SAMD12: variants seen among roughly 807,000 people sequenced by gnomAD.
SAMD12 encodes sterile alpha motif domain containing 12, also known as sterile alpha motif domain-containing protein 12.
SAMD12 carries 9 observed loss-of-function variants against 15.0 expected under a neutral mutation model. That is an observed-to-expected ratio of 0.60 (90% CI 0.36 to 1.05). The LOEUF is 1.05. SAMD12 is among the 50% of genes least tolerant of loss of function. SAMD12 has a pLI of 0.01. For missense variants in SAMD12, 230 were observed against 234.2 expected (o/e 0.98, Z 0.12); for synonymous variants, 86 against 90.1 (o/e 0.96, Z 0.25).
the SAMD12 span, among the ~76,000 whole-genome samples, chr8:118,164,717 C>A: frequency 2.0e-5 from 3 of 151,170 alleles, no homozygotes; most frequent in African/African-American, 7.3e-5. Context: ...CTTCATCAAG[C>A]CTGATTTTAG....
intron 3 of SAMD12, among the ~76,000 whole-genome samples, chr8:118,408,127 T>C (rs1296322478): frequency 6.6e-6 from 1 of 152,146 alleles, no homozygotes; most frequent in African/African-American, 2.4e-5. Flanking sequence ...GAGTTCACTT[T>C]TTCACTCCAG....
chr8:118,335,790 A>G (rs897540447), intron 4 of SAMD12, among the ~76,000 whole-genome samples: 1 of 152,146 alleles, frequency 6.6e-6, no homozygotes, highest in African/African-American at 2.4e-5. Context: ...CACCCAGGCT[A>G]GAGTGCAGTG....
At chr8:118,540,700 T>TAAAA (rs61083709) in intron 2 of SAMD12, among the ~76,000 whole-genome samples, 3 of 150,314 alleles carry the variant, frequency 2.0e-5, no homozygotes, top group Non-Finnish European at 4.4e-5. Flanking sequence ...CAACTGGCCA[T>TAAAA]AAAAAAAAAA....
At chr8:118,597,089 G>C (rs910259559) in intron 1 of SAMD12, among the ~76,000 whole-genome samples, 74 of 152,198 alleles carry the variant, frequency 4.9e-4, no homozygotes, top group African/African-American at 1.7e-3. Context: ...ATGGGGCACA[G>C]AGGGTGTGGG....
chr8:118,361,694 C>T (rs966443304), intron 4 of SAMD12, among the ~76,000 whole-genome samples: 4 of 152,164 alleles, frequency 2.6e-5, no homozygotes, highest in African/African-American at 9.7e-5. Flanking sequence ...TGTGCAACAA[C>T]ATAACCAAAT....
chr8:118,613,292 G>A (rs528125776), intron 1 of SAMD12, among the ~76,000 whole-genome samples: 11 of 152,076 alleles, frequency 7.2e-5, no homozygotes, highest in African/African-American at 2.7e-4. Flanking sequence ...TTGAAATGGG[G>A]GCTAGAGTTT....
intron 3 of SAMD12, among the ~76,000 whole-genome samples, chr8:118,409,468 T>C (rs907193657): frequency 2.3e-5 from 3 of 128,084 alleles, no homozygotes; most frequent in Non-Finnish European, 4.7e-5. Context: ...ATGGTGTATA[T>C]TTGTACCCTG....
the SAMD12 span, among the ~76,000 whole-genome samples, chr8:118,158,928 A>G: frequency 6.6e-6 from 1 of 152,116 alleles, no homozygotes; most frequent in African/African-American, 2.4e-5. Flanking sequence ...CTACAGCTCA[A>G]TAAAGCACCT....
chr8:118,194,320 T>G (rs1586329573), exon 5 of SAMD12: 1 of 152,066 alleles, frequency 6.6e-6, no homozygotes, highest in Non-Finnish European at 1.5e-5. Flanking sequence ...AATCTGCGGG[T>G]GCACACCTCA....
At chr8:118,163,797 C>T in the SAMD12 span, among the ~76,000 whole-genome samples, 3 of 147,870 alleles carry the variant, frequency 2.0e-5, no homozygotes, top group East Asian at 5.8e-4. Context: ...ATGGAGTGAA[C>T]CCTGGAGGCA....
intron 2 of SAMD12, among the ~76,000 whole-genome samples, chr8:118,480,934 A>C (rs182190725): frequency 1.9e-4 from 29 of 152,054 alleles, no homozygotes; most frequent in Admixed American, 1.3e-3. Context: ...CTCATCTTTC[A>C]AGCCTCAGTT....
At chr8:118,576,657 G>T (rs946309310) in intron 2 of SAMD12, among the ~76,000 whole-genome samples, 1 of 152,200 alleles carries the variant, frequency 6.6e-6, no homozygotes, top group Non-Finnish European at 1.5e-5. Context: ...CTCAGGGCTG[G>T]CCTGTCTGAG....
intron 4 of SAMD12, among the ~76,000 whole-genome samples, chr8:118,355,049 G>C (rs1270864246): frequency 1.3e-5 from 2 of 152,182 alleles, no homozygotes; most frequent in Non-Finnish European, 1.5e-5. Flanking sequence ...TATCTACCCA[G>C]AGGAAAAGAA....
chr8:118,292,635 A>T (rs1814463574), intron 4 of SAMD12, among the ~76,000 whole-genome samples: 1 of 151,906 alleles, frequency 6.6e-6, no homozygotes, highest in Non-Finnish European at 1.5e-5. Flanking sequence ...ACAATAGCAA[A>T]GACTTGGAAC....
intron 2 of SAMD12, among the ~76,000 whole-genome samples, chr8:118,575,169 G>A (rs1267441003): frequency 6.6e-6 from 1 of 152,124 alleles, no homozygotes; most frequent in African/African-American, 2.4e-5. Context: ...CCAAGTTCCA[G>A]GCCAGCTCCT....
At chr8:118,443,701 A>G (rs547172450) in intron 2 of SAMD12, among the ~76,000 whole-genome samples, 2 of 152,286 alleles carry the variant, frequency 1.3e-5, no homozygotes, top group African/African-American at 4.8e-5. Context: ...CAGTTACCCC[A>G]GTCTGCTGCT....
At chr8:118,529,154 A>T (rs1825616786) in intron 2 of SAMD12, among the ~76,000 whole-genome samples, 1 of 152,188 alleles carries the variant, frequency 6.6e-6, no homozygotes, top group Admixed American at 6.5e-5. Context: ...GAAAACCAGG[A>T]ACTTACACTA....
chr8:118,182,613 T>C, the SAMD12 span, among the ~76,000 whole-genome samples: 6 of 152,156 alleles, frequency 3.9e-5, no homozygotes, highest in African/African-American at 1.4e-4. Flanking sequence ...TATGAATAAA[T>C]AAAAGCTCTT....
chr8:118,584,226 T>G (rs1179512046), intron 1 of SAMD12, among the ~76,000 whole-genome samples: 5 of 152,240 alleles, frequency 3.3e-5, no homozygotes, highest in African/African-American at 9.6e-5. Flanking sequence ...GTTTTTGTAC[T>G]TAGAATTATT....
Sources: gnomAD v4.1 joint callset for allele counts (sites outside exome capture counted in the v4.1 genomes callset) on GRCh38, gnomAD v4.1.1 for gene constraint, MANE v1.5 for transcripts, NCBI Gene and HGNC (gene_info 2026-07-23, HGNC 2026-07-21) for gene names.